The following NLK variants were observed in gnomAD, a reference collection of about 807,000 sequenced individuals.
NLK encodes the protein serine/threonine-protein kinase NLK.
A neutral mutation model predicts 59.0 loss-of-function variants in NLK; 11 were observed. The ratio of observed to expected loss-of-function variants is 0.19; its 90% CI spans 0.12 to 0.31. NLK has a LOEUF of 0.31. NLK is among the 10% of genes least tolerant of loss of function. NLK has a pLI of 1.00. For synonymous variants in NLK, 235 were observed against 235.9 expected, an observed-to-expected ratio of 1.00 and a Z score of 0.03; for missense variants, 410 against 661.1, an observed-to-expected ratio of 0.62 and a Z score of 4.16.
At chr17:28,166,217 A>AAT (rs945631579) in intron 5 of NLK, among the ~76,000 whole-genome samples, 76 of 150,786 alleles carry the variant, frequency 5.0e-4, no homozygotes, top group African/African-American at 1.1e-3. Context: ...TGTCTCAAAA[A>AAT]ATATATATAT....
chr17:28,091,803 A>G lies in NLK; in HGVS notation c.459-30800A>G, dbSNP rs921119080. Reference sequence around the variant, plus strand: ...CCAGAAGAAACATTGCAGGTGTGCAACCAATCCAACTGAAACAGATAATAC... The same window carrying G: ...CCAGAAGAAACATTGCAGGTGTGCAGCCAATCCAACTGAAACAGATAATAC... On this transcript the variant is annotated intron_variant, in intron 1 of 10. Coordinates refer to ENST00000407008, the MANE Select transcript of NLK (RefSeq NM_016231.5). Among the ~76,000 whole-genome samples the G allele has an allele frequency of 2.0e-5, 3 of 152,142 alleles. No homozygotes were observed. In the East Asian group the frequency reaches 5.8e-4, roughly 29 times the overall value.
intron 1 of NLK, among the ~76,000 whole-genome samples, chr17:28,088,401 GTTCTATAAAGTGAAACTTCAT>G (rs1238289193): frequency 6.6e-6 from 1 of 152,142 alleles, no homozygotes; most frequent in East Asian, 1.9e-4. Context: ...AGCTGAAATA[GTTCTATAAAGTGAAACTTCAT>G]TTTCTATTTG....
At chr17:28,167,572 A>G (rs1264984553) in intron 5 of NLK, among the ~76,000 whole-genome samples, 1 of 151,984 alleles carries the variant, frequency 6.6e-6, no homozygotes, top group Non-Finnish European at 1.5e-5. Flanking sequence ...GCATTTGGCC[A>G]GGTGCAGTAG....
At position 28,194,617 on chromosome 17, in the gene NLK, C is replaced by G; in HGVS notation, c.1565C>G (p.Ser522Cys). 1.3e-6 allele frequency: 2 copies of G among 1,599,282 alleles called. No individual in the cohort carries two copies. The highest frequency in any genetic ancestry group is 2.2e-5 in the South Asian group (2 of 89,712). ...GCTCAGCCATCTGAGATGCCCCCATCTCCTCTGGTGTGGGAGTGATGGTGG... is the reference window on the plus strand; with the variant it reads ...GCTCAGCCATCTGAGATGCCCCCATGTCCTCTGGTGTGGGAGTGATGGTGG... ...TVAQPSEMPP[S>C]PLVWE is the part of the protein sequence containing the mutation. Residue 522 changes from serine to cysteine, a missense_variant, in exon 11 of 11, where the codon TCT becomes TGT. By Grantham distance (112) the Ser-to-Cys change is moderately radical (BLOSUM62 -1). This residue lies in a region of NLK where 25 missense variants were observed against 29.7 expected (regional missense o/e 0.84). Transcript: ENST00000407008.
At chr17:28,161,583 A>T (rs981634557) in intron 4 of NLK, among the ~76,000 whole-genome samples, 2 of 152,346 alleles carry the variant, frequency 1.3e-5, no homozygotes, top group South Asian at 4.1e-4. Flanking sequence ...TCAACGGAAT[A>T]GGAATATGTG....
intron 7 of NLK, among the ~76,000 whole-genome samples, chr17:28,178,349 T>G (rs1175710331): frequency 6.6e-6 from 1 of 152,070 alleles, no homozygotes; most frequent in Non-Finnish European, 1.5e-5. Flanking sequence ...ACCACTTGGT[T>G]TGGGAGTGAA....
intron 4 of NLK, among the ~76,000 whole-genome samples, chr17:28,162,098 A>G (rs958454675): frequency 1.3e-5 from 2 of 152,002 alleles, no homozygotes; most frequent in Non-Finnish European, 2.9e-5. Flanking sequence ...TCACTGCAAG[A>G]TTCGCCTCCC....
intron 1 of NLK, among the ~76,000 whole-genome samples, chr17:28,072,428 C>G (rs1277840876): frequency 6.6e-6 from 1 of 151,162 alleles, no homozygotes; most frequent in Non-Finnish European, 1.5e-5. Flanking sequence ...TGTGCTCAAG[C>G]AATCCTCCAA....
intron 1 of NLK, among the ~76,000 whole-genome samples, chr17:28,080,363 T>C (rs1473593979): frequency 6.6e-6 from 1 of 152,098 alleles, no homozygotes; most frequent in Non-Finnish European, 1.5e-5. Context: ...GAAGATTGCT[T>C]GAGCCCAGGA....
At chr17:28,135,535 AG>A (rs1213466824) in intron 3 of NLK, among the ~76,000 whole-genome samples, 1 of 152,230 alleles carries the variant, frequency 6.6e-6, no homozygotes, top group Non-Finnish European at 1.5e-5. Flanking sequence ...TACTATTGTC[AG>A]GTGGATATTG....
At chr17:28,058,297 G>A (rs932911837) in intron 1 of NLK, among the ~76,000 whole-genome samples, 1 of 152,178 alleles carries the variant, frequency 6.6e-6, no homozygotes, top group Non-Finnish European at 1.5e-5. Flanking sequence ...TGTTTAACTG[G>A]TATAGGTGCT....
chr17:28,139,318 C>G (rs564846146), intron 3 of NLK, among the ~76,000 whole-genome samples: 4 of 152,302 alleles, frequency 2.6e-5, no homozygotes, highest in Non-Finnish European at 5.9e-5. Context: ...TACTCTTTCC[C>G]ATTTTAGTTT....
At chr17:28,110,163 AT>A (rs1374276952) in intron 1 of NLK, among the ~76,000 whole-genome samples, 3 of 151,948 alleles carry the variant, frequency 2.0e-5, no homozygotes, top group Non-Finnish European at 4.4e-5. Context: ...ATTCTTTATG[AT>A]TCTGTTGTGA....
At chr17:28,049,987 T>C (rs1597652050) in intron 1 of NLK, among the ~76,000 whole-genome samples, 1 of 152,152 alleles carries the variant, frequency 6.6e-6, no homozygotes, top group South Asian at 2.1e-4. Flanking sequence ...TCTCAAAAAA[T>C]ATATATATTA....
intron 1 of NLK, among the ~76,000 whole-genome samples, chr17:28,106,950 T>C (rs1401885664): frequency 6.6e-6 from 1 of 152,090 alleles, no homozygotes; most frequent in Non-Finnish European, 1.5e-5. Context: ...CAGAGTAAGA[T>C]AGACAAAATT....
intron 1 of NLK, among the ~76,000 whole-genome samples, chr17:28,114,285 G>T (rs1049531959): frequency 1.3e-5 from 2 of 152,134 alleles, no homozygotes; most frequent in Non-Finnish European, 2.9e-5. Flanking sequence ...CCAGGTCATA[G>T]TGTGTATATA....
chr17:28,075,938 T>G (rs983304655), intron 1 of NLK, among the ~76,000 whole-genome samples: 4 of 152,228 alleles, frequency 2.6e-5, no homozygotes, highest in African/African-American at 9.6e-5. Flanking sequence ...AAAATCTATC[T>G]TTAAAAAACA....
chr17:28,120,663 A>G (rs991108554), intron 1 of NLK, among the ~76,000 whole-genome samples: 3 of 152,146 alleles, frequency 2.0e-5, no homozygotes, highest in Admixed American at 6.5e-5. Flanking sequence ...ATATTGGCCA[A>G]TGGAAGAAAG....
Position 28,066,032 on chromosome 17 carries a change from G to A in NLK, c.458+22701G>A, listed in dbSNP as rs371725456. Among the ~76,000 whole-genome samples the A allele has an allele frequency of 9.4e-4, 143 of 152,272 alleles. 1 individual carries two copies. The highest frequency in any genetic ancestry group is 3.3e-3 in the African/African-American group (137 of 41,562). On this transcript the variant is annotated intron_variant, in intron 1 of 10. Transcript: ENST00000407008. ...GTAACTTCCTGTTACACCCACAGAC[G>A]AAGTTATGTCAACGTAGCTTTCCTT...
Sources: allele counts gnomAD v4.1 joint callset (sites outside exome capture counted in the v4.1 genomes callset), GRCh38; gene constraint gnomAD v4.1.1; regional missense constraint gnomAD v4.1.1; transcripts MANE v1.5; gene names NCBI Gene and HGNC (gene_info 2026-07-23, HGNC 2026-07-21).